PTN: variants seen among roughly 807,000 people sequenced by gnomAD.
PTN encodes pleiotrophin, also known as heparin affin regulatory protein.
A neutral mutation model predicts 24.1 loss-of-function variants in PTN; 18 were observed. The observed-to-expected ratio is 0.75, with a 90% CI of 0.52 to 1.11. PTN has a LOEUF of 1.11. PTN is among the 50% of genes least tolerant of loss of function. PTN has a pLI of 0.00. For missense variants in PTN, 163 were observed against 198.8 expected, an observed-to-expected ratio of 0.82 and a Z score of 1.08; for synonymous variants, 78 against 68.6, an observed-to-expected ratio of 1.14 and a Z score of -0.67.
At chr7:137,314,015 C>CTATTA in intron 1 of PTN, among the ~76,000 whole-genome samples, 1 of 152,150 alleles carries the variant, frequency 6.6e-6, no homozygotes, top group East Asian at 1.9e-4. Flanking sequence ...ATAATCTCAC[C>CTATTA]TATTTTATTT....
intron 1 of PTN, among the ~76,000 whole-genome samples, chr7:137,306,679 T>G (rs1340171026): frequency 6.6e-6 from 1 of 152,120 alleles, no homozygotes; most frequent in Non-Finnish European, 1.5e-5. Flanking sequence ...TCCAGCAGAT[T>G]TGGAAATGTA....
intron 1 of PTN, among the ~76,000 whole-genome samples, chr7:137,329,584 G>A (rs962385536): frequency 1.3e-5 from 2 of 152,162 alleles, no homozygotes; most frequent in Non-Finnish European, 2.9e-5. Context: ...GAAGAAAAAA[G>A]CAGGAGATGC....
intron 1 of PTN, among the ~76,000 whole-genome samples, chr7:137,314,180 A>C (rs1471309898): frequency 2.0e-5 from 3 of 152,148 alleles, no homozygotes; most frequent in African/African-American, 7.2e-5. Context: ...GCATTGCTAA[A>C]ATTTCCGGAA....
At chr7:137,319,721 C>T (rs1810132545) in intron 1 of PTN, among the ~76,000 whole-genome samples, 1 of 152,172 alleles carries the variant, frequency 6.6e-6, no homozygotes. Flanking sequence ...GGCTTGGAGA[C>T]CCAGAAGCTG....
intron 1 of PTN, among the ~76,000 whole-genome samples, chr7:137,316,703 G>A (rs1346077429): frequency 1.3e-5 from 2 of 152,186 alleles, no homozygotes; most frequent in South Asian, 4.1e-4. Flanking sequence ...GCATAAGCAG[G>A]AGAGGAAAGC....
chr7:137,272,165 TTTC>T (rs1327725233), intron 1 of PTN, among the ~76,000 whole-genome samples: 2 of 152,336 alleles, frequency 1.3e-5, no homozygotes, highest in African/African-American at 4.8e-5. Flanking sequence ...TCCTGTTGTC[TTTC>T]TTATTTCCTT....
At chr7:137,313,775 G>A (rs927407243) in intron 1 of PTN, among the ~76,000 whole-genome samples, 8 of 152,166 alleles carry the variant, frequency 5.3e-5, no homozygotes, top group African/African-American at 1.9e-4. Context: ...AAGGTTATAA[G>A]AGCTAATGTA....
At chr7:137,238,729 G>C (rs1296386426) in intron 4 of PTN, among the ~76,000 whole-genome samples, 1 of 152,074 alleles carries the variant, frequency 6.6e-6, no homozygotes, top group African/African-American at 2.4e-5. Context: ...GTGTTATTTT[G>C]TAAAATACAA....
chr7:137,250,541 A>G (rs1465999731), intron 4 of PTN, among the ~76,000 whole-genome samples: 1 of 152,224 alleles, frequency 6.6e-6, no homozygotes, highest in East Asian at 1.9e-4. Flanking sequence ...ATTTGGGAAA[A>G]CACAATTCAG....
chr7:137,254,904 G>A lies in PTN; in HGVS notation c.70C>T (p.Leu24=). ...GCTTCAGCAGTATCCACAGCTGCCAGTATGAAAATGAATGCCAAGAAGGCA... is the reference window on the plus strand; with the variant it reads ...GCTTCAGCAGTATCCACAGCTGCCAATATGAAAATGAATGCCAAGAAGGCA... ...AAAFLAFIFI[L]AAVDTAEAGK... The change falls in exon 2 of 5, where the codon CTG becomes TTG. Residue 24 remains leucine (L), a synonymous_variant. Transcript: ENST00000348225. 1 of 1,585,750 alleles carries A rather than the reference G, an allele frequency of 6.3e-7. No homozygotes were observed.
At chr7:137,321,126 T>G (rs193266278) in intron 1 of PTN, among the ~76,000 whole-genome samples, 2 of 152,288 alleles carry the variant, frequency 1.3e-5, no homozygotes, top group Admixed American at 6.5e-5. Flanking sequence ...CCAAGCTTGT[T>G]TTCATGCTGC....
intron 2 of PTN, among the ~76,000 whole-genome samples, chr7:137,253,854 A>C (rs1808871404): frequency 6.6e-6 from 1 of 152,228 alleles, no homozygotes; most frequent in Non-Finnish European, 1.5e-5. Flanking sequence ...AAAAGAGCTA[A>C]AACTAATATT....
intron 1 of PTN, among the ~76,000 whole-genome samples, chr7:137,319,717 G>T (rs1810132392): frequency 6.6e-6 from 1 of 152,216 alleles, no homozygotes; most frequent in South Asian, 2.1e-4. Flanking sequence ...CCAAGGCTTG[G>T]AGACCCAGAA....
At chr7:137,297,516 A>T (rs935458023) in intron 1 of PTN, among the ~76,000 whole-genome samples, 2 of 152,074 alleles carry the variant, frequency 1.3e-5, no homozygotes, top group Non-Finnish European at 2.9e-5. Context: ...GAGATGAGCA[A>T]CAAAAAAAGA....
At chr7:137,241,431 C>G (rs879017319) in intron 4 of PTN, among the ~76,000 whole-genome samples, 3 of 152,154 alleles carry the variant, frequency 2.0e-5, no homozygotes, top group Admixed American at 2.0e-4. Flanking sequence ...AAACTATAAT[C>G]ACTTTTGTTG....
intron 1 of PTN, among the ~76,000 whole-genome samples, chr7:137,278,660 G>T (rs1343039023): frequency 6.6e-6 from 1 of 152,020 alleles, no homozygotes; most frequent in Non-Finnish European, 1.5e-5. Flanking sequence ...GATTAACTTG[G>T]CCGGGCAGGG....
At chr7:137,302,499 T>C (rs1399115905) in intron 1 of PTN, among the ~76,000 whole-genome samples, 1 of 151,948 alleles carries the variant, frequency 6.6e-6, no homozygotes, top group African/African-American at 2.4e-5. Flanking sequence ...AATTCAGAAA[T>C]GGATGCAAAA....
At chr7:137,335,354 T>C (rs1468254451) in intron 1 of PTN, among the ~76,000 whole-genome samples, 1 of 152,140 alleles carries the variant, frequency 6.6e-6, no homozygotes, top group Non-Finnish European at 1.5e-5. Context: ...AGGGGCTTTT[T>C]ACACTTAAGG....
chr7:137,311,659 G>C (rs1355312773), intron 1 of PTN, among the ~76,000 whole-genome samples: 1 of 152,188 alleles, frequency 6.6e-6, no homozygotes, highest in Admixed American at 6.5e-5. Flanking sequence ...GGCTCAATAA[G>C]AGGAAGAGAG....
Sources: allele counts gnomAD v4.1 joint callset (sites outside exome capture counted in the v4.1 genomes callset), GRCh38; gene constraint gnomAD v4.1.1; transcripts MANE v1.5; gene names NCBI Gene and HGNC (gene_info 2026-07-23, HGNC 2026-07-21).